OLFM3: variants seen among roughly 807,000 people sequenced by gnomAD.
OLFM3 encodes the protein olfactomedin 3.
OLFM3 carries 20 observed loss-of-function variants against 48.6 expected under a neutral mutation model. That is an observed-to-expected ratio of 0.41 (90% CI 0.29 to 0.60). The LOEUF is 0.60. Ranked by LOEUF, OLFM3 falls within the 20% of genes least tolerant of loss-of-function variation. OLFM3 has a pLI of 0.28. For missense variants in OLFM3, 437 were observed against 544.3 expected, an observed-to-expected ratio of 0.80 and a Z score of 1.96; for synonymous variants, 222 against 198.1, an observed-to-expected ratio of 1.12 and a Z score of -1.01.
intron 1 of OLFM3, among the ~76,000 whole-genome samples, chr1:101,902,443 A>G (rs1349361054): frequency 1.3e-5 from 2 of 152,004 alleles, no homozygotes; most frequent in African/African-American, 4.8e-5. Flanking sequence ...AAATGAAGAA[A>G]TTGAGCATGT....
intron 1 of OLFM3, among the ~76,000 whole-genome samples, chr1:101,924,610 C>T (rs2050570): frequency 0.9 from 137,179 of 152,244 alleles, 62,581 homozygotes; most frequent in Non-Finnish European, 0.98. Flanking sequence ...CAATTCTATG[C>T]AACACTGTCA....
intron 1 of OLFM3, among the ~76,000 whole-genome samples, chr1:101,914,318 A>G (rs1385273894): frequency 6.6e-6 from 1 of 152,092 alleles, no homozygotes; most frequent in African/African-American, 2.4e-5. Context: ...GGCTTACCAC[A>G]TTGTTTTTGA....
At position 101,847,070 on chromosome 1, in the gene OLFM3, T is replaced by C. The variant is rs1656033018; in HGVS notation, c.70-10045A>G. On this transcript the variant is annotated intron_variant, in intron 1 of 5. Coordinates refer to ENST00000370103, the MANE Select transcript of OLFM3 (RefSeq NM_058170.4). ...ACTGCAGCGCGCCACATCTACAGCATGAAAAGAGATCAACTTCCCCAGCTC... is the reference window on the plus strand; with the variant it reads ...ACTGCAGCGCGCCACATCTACAGCACGAAAAGAGATCAACTTCCCCAGCTC... 1.0e-5 allele frequency: 15 copies of C among 1,449,290 alleles called. No homozygotes were observed. The East Asian group carries it at 2.9e-4, about 28-fold the overall frequency. The allele number at this position is 1,449,290 out of a possible 1,614,324, so 89.8% of individuals were successfully genotyped here. A position where few individuals can be genotyped will look rare whatever the true frequency, so the allele number is the denominator to read the frequency against.
intron 1 of OLFM3, among the ~76,000 whole-genome samples, chr1:101,899,248 G>GT: frequency 6.6e-6 from 1 of 152,192 alleles, no homozygotes; most frequent in East Asian, 1.9e-4. Context: ...TTGGACTGAG[G>GT]TGTCATTTTT....
chr1:101,983,446 A>G (rs1661154752), intron 1 of OLFM3, among the ~76,000 whole-genome samples: 2 of 152,194 alleles, frequency 1.3e-5, no homozygotes, highest in African/African-American at 4.8e-5. Context: ...ATCCAGTACT[A>G]TAATTATTAA....
chr1:101,860,159 G>T (rs1170446361), intron 1 of OLFM3, among the ~76,000 whole-genome samples: 1 of 151,992 alleles, frequency 6.6e-6, no homozygotes, highest in Non-Finnish European at 1.5e-5. Flanking sequence ...AGGCACACAT[G>T]CTTCTTATCA....
chr1:101,951,915 G>T (rs151291918), intron 1 of OLFM3, among the ~76,000 whole-genome samples: 2 of 152,152 alleles, frequency 1.3e-5, no homozygotes, highest in South Asian at 2.1e-4. Flanking sequence ...AAGGTGGATT[G>T]TAAATGGAAA....
chr1:101,939,745 C>T (rs141082460), intron 1 of OLFM3, among the ~76,000 whole-genome samples: 1 of 152,224 alleles, frequency 6.6e-6, no homozygotes, highest in African/African-American at 2.4e-5. Flanking sequence ...AAAATATGGG[C>T]TACCTTCAGA....
intron 1 of OLFM3, among the ~76,000 whole-genome samples, chr1:101,847,697 A>T (rs898136882): frequency 2.0e-5 from 3 of 152,326 alleles, no homozygotes; most frequent in African/African-American, 7.2e-5. Flanking sequence ...CAGAAATTTT[A>T]TATGTGTTTC....
chr1:101,861,313 C>A (rs138328028), intron 1 of OLFM3, among the ~76,000 whole-genome samples: 1 of 150,536 alleles, frequency 6.6e-6, no homozygotes, highest in Admixed American at 6.6e-5. Flanking sequence ...TTGGCCGCCC[C>A]GGCCTCCCAA....
chr1:101,949,588 G>A (rs903903782), intron 1 of OLFM3, among the ~76,000 whole-genome samples: 1 of 152,074 alleles, frequency 6.6e-6, no homozygotes, highest in African/African-American at 2.4e-5. Flanking sequence ...AGTAGCAAGA[G>A]TGACCTTTTT....
intron 2 of OLFM3, among the ~76,000 whole-genome samples, 180 bp downstream of exon 2, chr1:101,836,699 G>A (rs1445232208): frequency 6.6e-6 from 1 of 151,622 alleles, no homozygotes; most frequent in Non-Finnish European, 1.5e-5. Flanking sequence ...ATAGAAATAG[G>A]ACAAAGACAA....
At chr1:101,939,226 C>T (rs542663714) in intron 1 of OLFM3, among the ~76,000 whole-genome samples, 43 of 152,210 alleles carry the variant, frequency 2.8e-4, no homozygotes, top group African/African-American at 6.0e-4. Context: ...ACGTCGCTTG[C>T]GTTTCTACTT....
intron 3 of OLFM3, among the ~76,000 whole-genome samples, chr1:101,830,060 A>G (rs533726681): frequency 6.6e-6 from 1 of 151,906 alleles, no homozygotes; most frequent in Non-Finnish European, 1.5e-5. Context: ...GGATGGTCTC[A>G]ATCTCCTGAC....
At chr1:101,876,014 T>A (rs1657286056) in intron 1 of OLFM3, among the ~76,000 whole-genome samples, 1 of 152,050 alleles carries the variant, frequency 6.6e-6, no homozygotes, top group Non-Finnish European at 1.5e-5. Flanking sequence ...TCTGGCAGAT[T>A]CAGTTTTGCA....
intron 1 of OLFM3, among the ~76,000 whole-genome samples, chr1:101,968,285 C>G (rs975282455): frequency 2.0e-5 from 3 of 152,096 alleles, no homozygotes; most frequent in South Asian, 2.1e-4. Context: ...TACAATTGCT[C>G]TCCTCATCCA....
chr1:101,911,513 T>C (rs1218822409), intron 1 of OLFM3, among the ~76,000 whole-genome samples: 1 of 152,156 alleles, frequency 6.6e-6, no homozygotes, highest in African/African-American at 2.4e-5. Flanking sequence ...AATAATACTC[T>C]AATACAGTGG....
In OLFM3 at chr1:101,857,998, C is replaced by A. The variant is rs1656499621; in HGVS notation, c.70-20973G>T. Among the ~76,000 whole-genome samples the A allele has an allele frequency of 3.3e-5, 5 of 152,116 alleles. 1 individual carries two copies. The South Asian group carries it at 1.0e-3, about 32-fold the overall frequency. On this transcript the variant is annotated intron_variant, in intron 1 of 5. Coordinates refer to ENST00000370103, the MANE Select transcript of OLFM3 (RefSeq NM_058170.4). Reference sequence around the variant, plus strand: ...ACATTGAAAATGCATGTGTAGGTCACAATTTACATTTTATTGCAATCCATA... The same window carrying A: ...ACATTGAAAATGCATGTGTAGGTCAAAATTTACATTTTATTGCAATCCATA...
At chr1:101,812,725 C>T (rs1654129342) in intron 4 of OLFM3, 2 of 986,764 alleles carry the variant, frequency 2.0e-6, no homozygotes, top group South Asian at 4.7e-5. Flanking sequence ...AAACTTAGGA[C>T]AGAATTTGTA....
Sources: gnomAD v4.1 joint callset for allele counts (sites outside exome capture counted in the v4.1 genomes callset) on GRCh38, gnomAD v4.1.1 for gene constraint, MANE v1.5 for transcripts, NCBI Gene and HGNC (gene_info 2026-07-23, HGNC 2026-07-21) for gene names.